CREB5: variants seen among roughly 807,000 people sequenced by gnomAD.
The protein encoded by CREB5 is cyclic AMP-responsive element-binding protein 5.
A neutral mutation model predicts 57.1 loss-of-function variants in CREB5; 19 were observed. The observed-to-expected ratio is 0.33, with a 90% CI of 0.23 to 0.49. CREB5 has a LOEUF of 0.49. Ranked by LOEUF, CREB5 falls within the 20% of genes least tolerant of loss-of-function variation. The pLI is 0.99. For missense variants in CREB5, 579 were observed against 671.6 expected, an observed-to-expected ratio of 0.86 and a Z score of 1.52; for synonymous variants, 238 against 238.3, an observed-to-expected ratio of 1.00 and a Z score of 0.01.
intron 5 of CREB5, among the ~76,000 whole-genome samples, chr7:28,655,555 C>T (rs1799302572): frequency 6.6e-6 from 1 of 152,168 alleles, no homozygotes; most frequent in Non-Finnish European, 1.5e-5. Flanking sequence ...GTCAAGGCTG[C>T]TGTGAGCTGC....
intron 7 of CREB5, among the ~76,000 whole-genome samples, chr7:28,787,089 G>T (rs1014109386): frequency 6.6e-6 from 1 of 152,138 alleles, no homozygotes; most frequent in Non-Finnish European, 1.5e-5. Context: ...CATACCTGCT[G>T]TGCAAATGAG....
chr7:28,692,450 TACTAATCAGAGAAGCAG>T (rs1306060726), intron 5 of CREB5, among the ~76,000 whole-genome samples: 1 of 152,176 alleles, frequency 6.6e-6, no homozygotes, highest in Non-Finnish European at 1.5e-5. Context: ...TACAGGCATC[TACTAATCAGAGAAGCAG>T]GGTGGGGTCT....
intron 3 of CREB5, among the ~76,000 whole-genome samples, chr7:28,501,819 T>A (rs1373725858): frequency 6.6e-6 from 1 of 152,198 alleles, no homozygotes; most frequent in African/African-American, 2.4e-5. Context: ...GTGGAATATA[T>A]AATTGGTTAC....
intron 4 of CREB5, among the ~76,000 whole-genome samples, chr7:28,514,459 C>G (rs1013125135): frequency 6.6e-6 from 1 of 152,014 alleles, no homozygotes; most frequent in Non-Finnish European, 1.5e-5. Flanking sequence ...GCAGTGGCGC[C>G]ATCTCGGCTC....
intron 9 of CREB5, among the ~76,000 whole-genome samples, chr7:28,811,416 C>T (rs1809113666): frequency 6.6e-6 from 1 of 152,052 alleles, no homozygotes; most frequent in African/African-American, 2.4e-5. Context: ...TGAGACTTGT[C>T]TCAAAAAAGA....
chr7:28,320,356 G>C (rs1207116175), intron 1 of CREB5, among the ~76,000 whole-genome samples: 1 of 152,080 alleles, frequency 6.6e-6, no homozygotes, highest in African/African-American at 2.4e-5. Context: ...GGGAATCTAG[G>C]GGCCGTTCAA....
chr7:28,435,381 A>G (rs1470219731), intron 1 of CREB5, among the ~76,000 whole-genome samples: 1 of 103,516 alleles, frequency 9.7e-6, no homozygotes, highest in African/African-American at 3.7e-5. Flanking sequence ...TTTCCCTTCC[A>G]TTTTTTTTTT....
chr7:28,308,939 G>A (rs530928959), intron 1 of CREB5, among the ~76,000 whole-genome samples: 2 of 152,288 alleles, frequency 1.3e-5, no homozygotes, highest in Non-Finnish European at 2.9e-5. Flanking sequence ...TTAAGTGGGT[G>A]GATTTTGAGA....
chr7:28,349,194 C>T (rs949586336), intron 1 of CREB5, among the ~76,000 whole-genome samples: 1 of 151,988 alleles, frequency 6.6e-6, no homozygotes, highest in Non-Finnish European at 1.5e-5. Flanking sequence ...TTTGAAGTTT[C>T]GAGAGCTCTC....
At chr7:28,804,625 G>C in intron 8 of CREB5, 103 bp downstream of exon 8, 1 of 1,410,252 alleles carries the variant, frequency 7.1e-7, no homozygotes, top group Non-Finnish European at 9.8e-7. Flanking sequence ...ACAAGCCCAG[G>C]TGTTCTATCT....
chr7:28,509,870 C>T (rs574760828), intron 4 of CREB5, among the ~76,000 whole-genome samples: 6 of 152,298 alleles, frequency 3.9e-5, no homozygotes, highest in African/African-American at 9.6e-5. Flanking sequence ...AGGACACCGC[C>T]GTCTCATGCC....
At chr7:28,710,520 G>T (rs997174159) in intron 5 of CREB5, among the ~76,000 whole-genome samples, 7 of 152,112 alleles carry the variant, frequency 4.6e-5, no homozygotes, top group African/African-American at 1.4e-4. Context: ...AGATGCTATG[G>T]TGAGTGCCTG....
intron 4 of CREB5, among the ~76,000 whole-genome samples, chr7:28,558,982 T>A (rs1794976481): frequency 6.6e-6 from 1 of 152,188 alleles, no homozygotes; most frequent in Non-Finnish European, 1.5e-5. Context: ...GTGCAAATGC[T>A]CAGCATTTCT....
chr7:28,559,878 CA>C (rs1391789735), intron 4 of CREB5, among the ~76,000 whole-genome samples: 1 of 152,186 alleles, frequency 6.6e-6, no homozygotes, highest in East Asian at 1.9e-4. Context: ...GTAGTAATAA[CA>C]ATCGCACATT....
rs56224961 is a variant in CREB5, at chr7:28,775,543, CATATAT to C, written c.703-28639_703-28634del. 7.6e-4 allele frequency among the ~76,000 whole-genome samples: 92 copies of C among 120,674 alleles called. 4 individuals carry two copies. The highest frequency in any genetic ancestry group is 1.1e-3 in the Non-Finnish European group (68 of 59,868). 79.2% of individuals were successfully genotyped at this position (120,674 alleles called of 152,430 possible). ...ATGCCATATTTATGTATTCCTTAGC[CATATAT>C]ATATATATATATATATTAGCGTATT... On this transcript the variant is annotated intron_variant, in intron 7 of 10. Coordinates refer to ENST00000357727, the MANE Select transcript of CREB5 (RefSeq NM_182898.4).
At chr7:28,746,200 A>T (rs778825550) in intron 7 of CREB5, among the ~76,000 whole-genome samples, 6 of 152,200 alleles carry the variant, frequency 3.9e-5, no homozygotes, top group Non-Finnish European at 8.8e-5. Flanking sequence ...TCCACCATTA[A>T]TATTAGCAAA....
In CREB5 at chr7:28,523,374, G is replaced by A. The variant is rs186480393; in HGVS notation, c.291+15637G>A. On this transcript the variant is annotated intron_variant, in intron 4 of 10. Coordinates refer to ENST00000357727, the MANE Select transcript of CREB5 (RefSeq NM_182898.4). ...CCCATTATGTTCTCCCAATTCAATC[G>A]AAAAACGTTTATTGAGGTCTTAATG... Among the ~76,000 whole-genome samples the A allele has an allele frequency of 6.4e-3, 974 of 152,236 alleles. 15 individuals are homozygous for A. Among genetic ancestry groups the A allele is most frequent in the Admixed American group, 0.032 (494 of 15,288 alleles).
rs1220945885 is a variant in CREB5 at position 28,809,431 on chromosome 7, C to T, written c.1254+17C>T. The T allele has an allele frequency of 1.3e-6, 2 of 1,585,602 alleles. No individual in the cohort carries two copies. The highest frequency in any genetic ancestry group is 1.7e-6 in the Non-Finnish European group (2 of 1,165,046). On this transcript the variant is annotated intron_variant, in intron 9 of 10. Coordinates refer to ENST00000357727, the MANE Select transcript of CREB5 (RefSeq NM_182898.4). ...CAGCTTCAGGTGCAGCCCACGGTGT[C>T]TTTCCCCGCGACTCAAAGGCCCTCT...
At chr7:28,467,861 G>A (rs76683860) in intron 1 of CREB5, among the ~76,000 whole-genome samples, 229 of 152,312 alleles carry the variant, frequency 1.5e-3, no homozygotes, top group African/African-American at 5.1e-3. Flanking sequence ...GGGAATGGGC[G>A]TGATAACTCT....
Sources: gnomAD v4.1 joint callset for allele counts (sites outside exome capture counted in the v4.1 genomes callset) on GRCh38, gnomAD v4.1.1 for gene constraint, MANE v1.5 for transcripts, NCBI Gene and HGNC (gene_info 2026-07-23, HGNC 2026-07-21) for gene names.